NKAIN3: variants seen among roughly 807,000 people sequenced by gnomAD.
The protein encoded by NKAIN3 is sodium/potassium transporting ATPase interacting 3.
Under a neutral mutation model 30.2 loss-of-function variants are expected in NKAIN3, and 25 were observed. The observed-to-expected ratio is 0.83, with a 90% CI of 0.60 to 1.16. The LOEUF (loss-of-function observed/expected upper bound fraction) is 1.16. NKAIN3 is among the 50% of genes most tolerant of loss of function. The pLI is 0.00. For synonymous variants in NKAIN3, 91 were observed against 89.6 expected, an observed-to-expected ratio of 1.02 and a Z score of -0.09; for missense variants, 225 against 254.1, an observed-to-expected ratio of 0.89 and a Z score of 0.78.
intron 4 of NKAIN3, among the ~76,000 whole-genome samples, chr8:62,853,535 G>T (rs977188287): frequency 2.0e-5 from 3 of 152,188 alleles, no homozygotes; most frequent in Admixed American, 6.5e-5. Flanking sequence ...TTGTATGTCT[G>T]TGGGGTCAGT....
chr8:62,945,787 T>C (rs1046474020), intron 5 of NKAIN3, among the ~76,000 whole-genome samples: 22 of 152,012 alleles, frequency 1.4e-4, no homozygotes, highest in Non-Finnish European at 2.8e-4. Context: ...CGAGACAGAG[T>C]TGGGGAGACT....
chr8:62,740,996 G>A (rs900857661), intron 3 of NKAIN3, among the ~76,000 whole-genome samples: 4 of 145,878 alleles, frequency 2.7e-5, no homozygotes, highest in African/African-American at 1.0e-4. Context: ...ACCATTTAAT[G>A]TTCTTACTAC....
rs374872132 is a variant in NKAIN3, at chr8:62,528,304, AT to A, written c.55-51233del. On this transcript the variant is annotated intron_variant, in intron 1 of 6. Transcript: ENST00000623646. ...GTATTGTGATATATATATATATTAT[AT>A]TATATATATATATTATATAATATAT... 3.1e-5 allele frequency among the ~76,000 whole-genome samples: 3 copies of A among 96,010 alleles called. No individual in the cohort carries two copies. In the Admixed American group the frequency reaches 3.3e-4, roughly 10 times the overall value. The allele number at this position is 96,010 out of a possible 152,430, so 63.0% of individuals were successfully genotyped here.
At position 62,846,155 on chromosome 8, in the gene NKAIN3, A is replaced by G. The variant is rs139608434; in HGVS notation, c.472-72298A>G. 2.8e-3 allele frequency among the ~76,000 whole-genome samples: 432 copies of G among 152,292 alleles called. 3 individuals carry two copies. The highest frequency in any genetic ancestry group is 9.2e-3 in the African/African-American group (382 of 41,568). ...AACACTAACATAACATGTAGAGGGC[A>G]GGAAAGAAAGCCCATGTGTTTTCAG... On this transcript the variant is annotated intron_variant, in intron 4 of 6. Transcript: ENST00000623646.
At chr8:62,927,112 C>T (rs1379555471) in intron 5 of NKAIN3, among the ~76,000 whole-genome samples, 2 of 152,146 alleles carry the variant, frequency 1.3e-5, no homozygotes, top group African/African-American at 4.8e-5. Context: ...CAACTTCTCT[C>T]ATACTCCTTC....
intron 5 of NKAIN3, among the ~76,000 whole-genome samples, chr8:62,935,735 C>G (rs1304396099): frequency 6.6e-6 from 1 of 151,906 alleles, no homozygotes; most frequent in Non-Finnish European, 1.5e-5. Context: ...AGTACTGGCA[C>G]AATGTAGGGA....
intron 1 of NKAIN3, among the ~76,000 whole-genome samples, chr8:62,475,595 C>T (rs1806492567): frequency 6.6e-6 from 1 of 152,176 alleles, no homozygotes; most frequent in Non-Finnish European, 1.5e-5. Flanking sequence ...CTAAAGAAAG[C>T]TTGTACCAAT....
chr8:62,902,313 T>G lies in NKAIN3; in HGVS notation c.472-16140T>G, dbSNP rs555049988. 7.7e-4 allele frequency among the ~76,000 whole-genome samples: 117 copies of G among 151,888 alleles called. 2 individuals carry two copies. Among genetic ancestry groups the G allele is most frequent in the Admixed American group, 2.7e-3 (41 of 15,278 alleles). On this transcript the variant is annotated intron_variant, in intron 4 of 6. Transcript: ENST00000623646. ...TCAAAATGAGTGGTAAGAACAAGGG[T>G]TTTAAGTAGCTAGAGGTTGAAGTCA...
intron 4 of NKAIN3, among the ~76,000 whole-genome samples, chr8:62,891,649 C>T (rs139453965): frequency 1.5e-3 from 233 of 152,304 alleles, no homozygotes; most frequent in African/African-American, 5.4e-3. Flanking sequence ...TATTAAAATG[C>T]TACATCTAGT....
At chr8:62,919,150 T>A (rs938467755) in intron 5 of NKAIN3, among the ~76,000 whole-genome samples, 1 of 151,716 alleles carries the variant, frequency 6.6e-6, no homozygotes, top group South Asian at 2.1e-4. Context: ...ATGACTTTCA[T>A]TGAGTACCTG....
chr8:62,530,451 C>T (rs185886368), intron 1 of NKAIN3, among the ~76,000 whole-genome samples: 160 of 152,192 alleles, frequency 1.1e-3, no homozygotes, highest in African/African-American at 3.8e-3. Context: ...TACTCACTGG[C>T]TCTGCTGCTG....
chr8:62,721,540 C>T (rs1342556257), intron 3 of NKAIN3, among the ~76,000 whole-genome samples: 1 of 152,184 alleles, frequency 6.6e-6, no homozygotes, highest in Non-Finnish European at 1.5e-5. Context: ...TTAAGTCTCA[C>T]TCACTGGGTC....
chr8:62,439,131 A>C (rs1315614387), intron 1 of NKAIN3, among the ~76,000 whole-genome samples: 2 of 152,204 alleles, frequency 1.3e-5, no homozygotes, highest in African/African-American at 2.4e-5. Context: ...TATTTTAAGC[A>C]GGAAAGAGCG....
chr8:62,807,162 A>T (rs1009090779), intron 4 of NKAIN3, among the ~76,000 whole-genome samples: 1 of 152,214 alleles, frequency 6.6e-6, no homozygotes, highest in Non-Finnish European at 1.5e-5. Flanking sequence ...TATTTGTTAT[A>T]ATGTATTTCA....
intron 3 of NKAIN3, among the ~76,000 whole-genome samples, chr8:62,623,204 A>G (rs139624440): frequency 3.3e-5 from 5 of 152,222 alleles, no homozygotes; most frequent in Non-Finnish European, 5.9e-5. Context: ...CTTAGTATGT[A>G]CATTAATCAC....
chr8:62,932,230 G>A (rs1822640228), intron 5 of NKAIN3, among the ~76,000 whole-genome samples: 1 of 152,140 alleles, frequency 6.6e-6, no homozygotes, highest in Non-Finnish European at 1.5e-5. Context: ...ACTCATTCAA[G>A]AAGCAATTAT....
intron 4 of NKAIN3, among the ~76,000 whole-genome samples, chr8:62,896,896 A>G (rs1821444052): frequency 6.6e-6 from 1 of 152,208 alleles, no homozygotes; most frequent in Admixed American, 6.5e-5. Flanking sequence ...GGCAGATTGC[A>G]ATGAATTAAG....
chr8:62,572,172 T>G (rs1809965236), intron 1 of NKAIN3, among the ~76,000 whole-genome samples: 1 of 152,330 alleles, frequency 6.6e-6, no homozygotes, highest in South Asian at 2.1e-4. Context: ...TTGAATGCTT[T>G]GCTGCTTAGA....
chr8:62,801,980 C>T (rs552378314), intron 4 of NKAIN3, among the ~76,000 whole-genome samples: 14 of 152,196 alleles, frequency 9.2e-5, no homozygotes, highest in African/African-American at 3.4e-4. Context: ...ATGTAGAAGC[C>T]TCAGGAGCTG....
Sources: gnomAD v4.1 joint callset for allele counts (sites outside exome capture counted in the v4.1 genomes callset) on GRCh38, gnomAD v4.1.1 for gene constraint, MANE v1.5 for transcripts, NCBI Gene and HGNC (gene_info 2026-07-23, HGNC 2026-07-21) for gene names.